Variants in PHYKPL observed in about 807,000 individuals in gnomAD.
PHYKPL encodes the protein 5-phosphohydroxy-L-lysine phospho-lyase, also known as 5-phosphonooxy-L-lysine phospho-lyase.
Under a neutral mutation model 51.3 loss-of-function variants are expected in PHYKPL, and 42 were observed. The ratio of observed to expected loss-of-function variants is 0.82; its 90% CI spans 0.64 to 1.06. The LOEUF (loss-of-function observed/expected upper bound fraction) is 1.06. Ranked by LOEUF, PHYKPL falls within the 50% of genes least tolerant of loss-of-function variation. The pLI is 0.00. For synonymous variants in PHYKPL, 264 were observed against 236.0 expected, an observed-to-expected ratio of 1.12 and a Z score of -1.09; for missense variants, 655 against 586.6, an observed-to-expected ratio of 1.12 and a Z score of -1.20.
chr5:178,214,943 C>T, intron 9 of PHYKPL, 58 bp from the exon 10 acceptor site: 2 of 1,538,802 alleles, frequency 1.3e-6, no homozygotes, highest in Non-Finnish European at 1.8e-6. Context: ...AGGGTGCTGG[C>T]CTCAGCCTCT....
At position 178,231,521 on chromosome 5, in the gene PHYKPL, G is replaced by T. The variant is rs781349808; in HGVS notation, c.62C>A (p.Ser21Tyr). 11 of 1,614,188 alleles carry T rather than the reference G, an allele frequency of 6.8e-6. No homozygotes were observed. In the South Asian group the frequency reaches 1.2e-4, roughly 18 times the overall value. ...CTCGGGAAAAAAGAGTCTGCAGGAAGAGCTGTGGGGACAGGCAAGGAGTGG... is the reference window on the plus strand; with the variant it reads ...CTCGGGAAAAAAGAGTCTGCAGGAATAGCTGTGGGGACAGGCAAGGAGTGG... Reference protein sequence around the residue: ...TLALRQRLISSSCRLFFPEDP... With the variant: ...TLALRQRLISYSCRLFFPEDP... The change falls in exon 2 of 13, where the codon TCT becomes TAT. Residue 21 changes from serine (S) to tyrosine (Y), a missense_variant and splice_region_variant. By Grantham distance (144) the Ser-to-Tyr change is moderately radical (BLOSUM62 -2). Coordinates refer to ENST00000308158, the MANE Select transcript of PHYKPL (RefSeq NM_153373.4).
At chr5:178,210,694 C>A in intron 12 of PHYKPL, 2 of 1,234,694 alleles carry the variant, frequency 1.6e-6, no homozygotes, top group Non-Finnish European at 2.4e-6. Context: ...CAATTATGTA[C>A]CAAATTTAAC....
At chr5:178,225,149 CCCCAGAGCTGCCTT>C in intron 4 of PHYKPL, 192 bp downstream of exon 4, 1 of 612,720 alleles carries the variant, frequency 1.6e-6, no homozygotes, top group Admixed American at 2.9e-5. Context: ...GCACTCTGCT[CCCCAGAGCTGCCTT>C]CCCAGAATGG....
intron 3 of PHYKPL, among the ~76,000 whole-genome samples, chr5:178,227,727 GCTC>G (rs1211544827): frequency 1.3e-5 from 2 of 152,340 alleles, no homozygotes; most frequent in East Asian, 3.9e-4. Context: ...ACATAAGTCA[GCTC>G]CTATTTTAGG....
chr5:178,211,934 C>A lies in PHYKPL; in HGVS notation c.1340G>T (p.Arg447Met), dbSNP rs1358992466. The A allele has an allele frequency of 1.2e-6, 2 of 1,614,196 alleles. No individual in the cohort carries two copies. Among genetic ancestry groups the A allele is most frequent in the East Asian group, 4.5e-5 (2 of 44,888 alleles). ...EEKVRSCETLRLQP is the reference protein window; with the variant it reads ...EEKVRSCETLMLQP ...AGCAGGGCTGGCTTAGGGCTGGAGCCTCAGCGTTTCACAACTTCTCACCTT... is the reference window on the plus strand; with the variant it reads ...AGCAGGGCTGGCTTAGGGCTGGAGCATCAGCGTTTCACAACTTCTCACCTT... The change falls in exon 12 of 13, where the codon AGG (arginine) becomes ATG (methionine). Residue 447 changes from arginine (R) to methionine (M), a missense_variant. Arg to Met is a moderately conservative substitution (Grantham distance 91). Transcript: ENST00000308158.
At chr5:178,214,137 T>A (rs1759244334) in intron 10 of PHYKPL, among the ~76,000 whole-genome samples, 2 of 152,224 alleles carry the variant, frequency 1.3e-5, no homozygotes, top group African/African-American at 2.4e-5. Flanking sequence ...GTCTCACAAT[T>A]TGAATAAGGA....
Position 178,224,678 on chromosome 5 carries a change from G to T in PHYKPL, c.465C>A (p.Phe155Leu), listed in dbSNP as rs779748632. ...ACTCCTTCTGGCCATCCAGGTTGCG[G>T]AACTTGTAGGGACTGATGTCAATCA... ...SSLIDISPYK[F>L]RNLDGQKEWV... The change falls in exon 5 of 13, where the codon TTC becomes TTA. Residue 155 changes from phenylalanine to leucine, a missense_variant. Transcript: ENST00000308158. 1 of 1,614,232 alleles carries T rather than the reference G, an allele frequency of 6.2e-7. No individual in the cohort carries two copies. Among genetic ancestry groups the T allele is most frequent in the South Asian group, 1.1e-5 (1 of 91,090 alleles).
chr5:178,219,392 T>C (rs956343818), intron 8 of PHYKPL, among the ~76,000 whole-genome samples: 37 of 149,676 alleles, frequency 2.5e-4, no homozygotes, highest in African/African-American at 9.1e-4. Flanking sequence ...CAAATAAAAT[T>C]AAGCACTGGT....
rs768648036 is a variant in PHYKPL, at chr5:178,223,597, AG to A, written c.619-664del. Reference sequence around the variant, plus strand: ...TGCAATCAGAGCAATCTCCTTTTTTAGGTTTTATAGAAGTGGTCGCAGAGCA... The same window carrying A: ...TGCAATCAGAGCAATCTCCTTTTTTAGTTTTATAGAAGTGGTCGCAGAGCA... On this transcript the variant is annotated intron_variant, in intron 6 of 12. Transcript: ENST00000308158. 23 of 404,954 alleles carry A rather than the reference AG, an allele frequency of 5.7e-5. No individual in the cohort carries two copies. In the East Asian group the frequency reaches 1.5e-3, roughly 26 times the overall value. 25.1% of individuals were successfully genotyped at this position (404,954 alleles called of 1,614,324 possible).
chr5:178,210,049 C>T, intron 12 of PHYKPL: 1 of 1,567,070 alleles, frequency 6.4e-7, no homozygotes, highest in Non-Finnish European at 8.6e-7. Flanking sequence ...AACCCTGCCA[C>T]CCCAAAGGGC....
chr5:178,228,364 C>T, intron 3 of PHYKPL: 1 of 594,696 alleles, frequency 1.7e-6, no homozygotes, highest in South Asian at 2.1e-5. Context: ...TGGTAACTGT[C>T]AATTACTGCT....
At chr5:178,208,163 G>A (rs1045248349), downstream of PHYKPL, among the ~76,000 whole-genome samples, 1 of 152,178 alleles carries the variant, frequency 6.6e-6, no homozygotes, top group Non-Finnish European at 1.5e-5. Context: ...CTTCAAGTTG[G>A]CAGTTGGGAG....
intron 8 of PHYKPL, among the ~76,000 whole-genome samples, chr5:178,219,512 C>T (rs1272251733): frequency 6.6e-6 from 1 of 151,188 alleles, no homozygotes; most frequent in Non-Finnish European, 1.5e-5. Flanking sequence ...TGCAGTGGCG[C>T]AATCTCGGCT....
At chr5:178,226,869 CTG>C in intron 3 of PHYKPL, among the ~76,000 whole-genome samples, 1 of 152,124 alleles carries the variant, frequency 6.6e-6, no homozygotes, top group Non-Finnish European at 1.5e-5. Flanking sequence ...GAGCCAGGAA[CTG>C]TGGACGAAAA....
chr5:178,209,760 A>G (rs544658352), intron 12 of PHYKPL, among the ~76,000 whole-genome samples: 1 of 152,238 alleles, frequency 6.6e-6, no homozygotes. Flanking sequence ...AGGTAGGCAG[A>G]AGGGTGGGTA....
chr5:178,224,285 C>CA, intron 6 of PHYKPL, 163 bp downstream of exon 6: 1 of 755,688 alleles, frequency 1.3e-6, no homozygotes, highest in East Asian at 2.8e-5. Flanking sequence ...CTAGGCCGTG[C>CA]ACTCAGACTC....
rs1758899494 is a variant in PHYKPL at position 178,212,881 on chromosome 5, CTT to C, written c.1303+90_1303+91del. ...GGACATGTGCCTCTGCTCTTGGACTCTTGTCCCCTCCCTGTTCCATGCTAGGA... is the reference window on the plus strand; with the variant it reads ...GGACATGTGCCTCTGCTCTTGGACTCGTCCCCTCCCTGTTCCATGCTAGGA... On this transcript the variant is annotated intron_variant, in intron 11 of 12. Transcript: ENST00000308158. 16 of 1,540,980 alleles carry C rather than the reference CTT, an allele frequency of 1.0e-5. No homozygotes were observed. The Admixed American group carries it at 1.8e-4, about 17-fold the overall frequency.
intron 8 of PHYKPL, chr5:178,215,648 G>A: frequency 1.8e-6 from 1 of 563,560 alleles, no homozygotes; most frequent in Non-Finnish European, 3.1e-6. Flanking sequence ...ACTCAGGTCA[G>A]GTATCCCTGA....
At chr5:178,222,726 T>C in intron 7 of PHYKPL, 126 bp downstream of exon 7, 1 of 1,358,252 alleles carries the variant, frequency 7.4e-7, no homozygotes, top group Non-Finnish European at 1.0e-6. Context: ...GGGCCATTCT[T>C]TCTTTAAGGG....
Sources: gnomAD v4.1 joint callset for allele counts (sites outside exome capture counted in the v4.1 genomes callset) on GRCh38, gnomAD v4.1.1 for gene constraint, MANE v1.5 for transcripts, NCBI Gene and HGNC (gene_info 2026-07-23, HGNC 2026-07-21) for gene names.